Variants in NIFK observed in about 807,000 individuals in gnomAD.
NIFK encodes MKI67 FHA domain-interacting nucleolar phosphoprotein.
A neutral mutation model predicts 31.7 loss-of-function variants in NIFK; 16 were observed. The observed-to-expected ratio is 0.50, with a 90% CI of 0.34 to 0.77. The LOEUF (loss-of-function observed/expected upper bound fraction) is 0.77. NIFK is among the 30% of genes least tolerant of loss of function. NIFK has a pLI of 0.01. For synonymous variants in NIFK, 126 were observed against 123.0 expected (o/e 1.02, Z -0.16); for missense variants, 341 against 350.4 (o/e 0.97, Z 0.21).
At chr2:121,731,684 T>C (rs934086008) in intron 3 of NIFK, among the ~76,000 whole-genome samples, 2 of 152,180 alleles carry the variant, frequency 1.3e-5, no homozygotes, top group Non-Finnish European at 2.9e-5. Context: ...CACAGCTGAA[T>C]GGTTAGGCAT....
chr2:121,734,013 G>GT (rs1295126873), intron 2 of NIFK, among the ~76,000 whole-genome samples: 3 of 152,166 alleles, frequency 2.0e-5, no homozygotes, highest in Admixed American at 6.5e-5. Flanking sequence ...GCTGGGCACA[G>GT]TGGCTCGCTC....
intron 1 of NIFK, 72 bp from the exon 2 acceptor site, chr2:121,735,822 T>C: frequency 7.5e-7 from 1 of 1,325,786 alleles, no homozygotes; most frequent in Non-Finnish European, 1.0e-6. Flanking sequence ...CCCCTAGCCC[T>C]CGGCCCAAGA....
chr2:121,733,705 CAAAAAA>C (rs376387491), intron 2 of NIFK, among the ~76,000 whole-genome samples: 1 of 145,668 alleles, frequency 6.9e-6, no homozygotes, highest in African/African-American at 2.5e-5. Flanking sequence ...CAAAACAAAA[CAAAAAA>C]AAAATGAATA....
chr2:121,736,865 A>T lies in NIFK; in HGVS notation c.-15T>A. 1 of 1,604,476 alleles carries T rather than the reference A, an allele frequency of 6.2e-7. No homozygotes were observed. Among genetic ancestry groups the T allele is most frequent in the Non-Finnish European group, 8.5e-7 (1 of 1,171,434 alleles). On this transcript the variant is annotated 5_prime_UTR_variant, in exon 1 of 7. Coordinates refer to ENST00000285814, the MANE Select transcript of NIFK (RefSeq NM_032390.5). ...AAAGTCGCCATGCCAAAAGCCGCCG[A>T]CGCTAACCACGCGGCGCTCCCGGAA...
chr2:121,728,585 C>T (rs375308976), intron 4 of NIFK, 49 bp from the exon 5 acceptor site: 4 of 1,063,034 alleles, frequency 3.8e-6, no homozygotes, highest in Middle Eastern at 2.2e-4. Context: ...TCTTTCTAAA[C>T]TTAGCATTAG....
intron 4 of NIFK, among the ~76,000 whole-genome samples, chr2:121,730,097 T>G (rs1421238331): frequency 6.6e-6 from 1 of 151,822 alleles, no homozygotes; most frequent in Non-Finnish European, 1.5e-5. Context: ...ACCTGTAATC[T>G]CAGCTACTCA....
rs772727374 is a variant in NIFK at position 121,728,264 on chromosome 2, C to T, written c.693+24G>A. The T allele has an allele frequency of 4.2e-6, 6 of 1,430,026 alleles. No individual in the cohort carries two copies. In the African/African-American group the frequency reaches 8.5e-5, roughly 20 times the overall value. 88.6% of individuals were successfully genotyped at this position (1,430,026 alleles called of 1,614,324 possible). A position where few individuals can be genotyped will look rare whatever the true frequency, so the allele number is the denominator to read the frequency against. ...AAATTATTTCTATAATATCTGGTGT[C>T]TGGAGTATTGAAAACCATTTTACCT... On this transcript the variant is annotated intron_variant, in intron 6 of 6. Coordinates refer to ENST00000285814, the MANE Select transcript of NIFK (RefSeq NM_032390.5).
intron 2 of NIFK, among the ~76,000 whole-genome samples, chr2:121,735,327 T>C (rs902802009): frequency 2.0e-5 from 3 of 152,240 alleles, no homozygotes; most frequent in African/African-American, 7.2e-5. Flanking sequence ...ATAAGGATGC[T>C]TGTACCAAAG....
Position 121,734,279 on chromosome 2 carries a change from T to C in NIFK, c.243+1334A>G, listed in dbSNP as rs150343250. ...CCCCAAAACAAAACCTAATGTTCAA[T>C]AGGAGGGTGGATAAACTTTAGTAAC... On this transcript the variant is annotated intron_variant, in intron 2 of 6. Transcript: ENST00000285814. Among the ~76,000 whole-genome samples the C allele has an allele frequency of 1.8e-3, 277 of 151,770 alleles. 1 individual carries two copies. The highest frequency in any genetic ancestry group is 6.3e-3 in the African/African-American group (261 of 41,370).
intron 2 of NIFK, among the ~76,000 whole-genome samples, chr2:121,735,278 C>T (rs1336983503): frequency 1.3e-5 from 2 of 152,188 alleles, no homozygotes; most frequent in Non-Finnish European, 2.9e-5. Context: ...ACTCCAGAGT[C>T]CTCACCTTTA....
intron 3 of NIFK, among the ~76,000 whole-genome samples, chr2:121,731,454 T>C (rs919380020): frequency 6.6e-6 from 1 of 152,148 alleles, no homozygotes; most frequent in Admixed American, 6.5e-5. Flanking sequence ...AAATTACTCA[T>C]CTGGTGCGTC....
chr2:121,732,587 CT>C (rs1381039786), intron 2 of NIFK, among the ~76,000 whole-genome samples: 4 of 152,206 alleles, frequency 2.6e-5, no homozygotes, highest in Non-Finnish European at 5.9e-5. Context: ...TAACAAGCAA[CT>C]TGGACACTTC....
intron 1 of NIFK, among the ~76,000 whole-genome samples, chr2:121,736,291 T>A (rs1479494084): frequency 2.0e-5 from 3 of 152,246 alleles, no homozygotes; most frequent in African/African-American, 7.2e-5. Context: ...GCAAATACTC[T>A]ATTTTAATAA....
Position 121,736,864 on chromosome 2 carries a change from G to T in NIFK, c.-14C>A. 1 of 1,607,956 alleles carries T rather than the reference G, an allele frequency of 6.2e-7. No individual in the cohort carries two copies. The highest frequency in any genetic ancestry group is 8.5e-7 in the Non-Finnish European group (1 of 1,174,618). Reference sequence around the variant, plus strand: ...AAAAGTCGCCATGCCAAAAGCCGCCGACGCTAACCACGCGGCGCTCCCGGA... The same window carrying T: ...AAAAGTCGCCATGCCAAAAGCCGCCTACGCTAACCACGCGGCGCTCCCGGA... On this transcript the variant is annotated 5_prime_UTR_variant, in exon 1 of 7. Coordinates refer to ENST00000285814, the MANE Select transcript of NIFK (RefSeq NM_032390.5).
At position 121,735,694 on chromosome 2, in the gene NIFK, G is replaced by C. The variant is rs2074574177; in HGVS notation, c.162C>G (p.Asn54Lys). Residue 54 changes from asparagine (N) to lysine (K), a missense_variant, in exon 2 of 7, where the codon AAC becomes AAG. Transcript: ENST00000285814. ...PGVVYVRHLP[N>K]LLDETQIFSY... ...AAAAGATCTGGGTTTCGTCAAGTAG[G>C]TTAGGTAGGTGGCGCACATAGACTA... The C allele has an allele frequency of 1.2e-6, 2 of 1,613,294 alleles. No homozygotes were observed. Among genetic ancestry groups the C allele is most frequent in the Non-Finnish European group, 8.5e-7 (1 of 1,179,928 alleles).
intron 2 of NIFK, among the ~76,000 whole-genome samples, chr2:121,734,899 TACG>T (rs1360679454): frequency 6.6e-6 from 1 of 152,238 alleles, no homozygotes; most frequent in Non-Finnish European, 1.5e-5. Context: ...AATCTATCTT[TACG>T]ACAACTAACA....
At chr2:121,729,367 CAAA>C (rs966976474) in intron 4 of NIFK, among the ~76,000 whole-genome samples, 7 of 62,132 alleles carry the variant, frequency 1.1e-4, no homozygotes, top group Admixed American at 1.8e-4. Flanking sequence ...GACTCCATCT[CAAA>C]AAAAAAAAAA....
At chr2:121,729,267 C>A (rs950388776) in intron 4 of NIFK, among the ~76,000 whole-genome samples, 10 of 150,412 alleles carry the variant, frequency 6.6e-5, no homozygotes, top group African/African-American at 2.2e-4. Flanking sequence ...CTCGTGGGGG[C>A]TGAGGCAGGA....
chr2:121,732,234 GAAC>G (rs1338013663), intron 2 of NIFK, 30 bp from the exon 3 acceptor site: 5 of 1,340,068 alleles, frequency 3.7e-6, no homozygotes, highest in Non-Finnish European at 4.3e-6. Flanking sequence ...ACAAAAAGTA[GAAC>G]AATTAAATTT....
Sources: allele counts gnomAD v4.1 joint callset (sites outside exome capture counted in the v4.1 genomes callset), GRCh38; gene constraint gnomAD v4.1.1; transcripts MANE v1.5; gene names NCBI Gene and HGNC (gene_info 2026-07-23, HGNC 2026-07-21).